Variants in ZGRF1 observed in about 807,000 individuals in gnomAD.
ZGRF1 encodes the protein 5'-3' DNA helicase ZGRF1.
ZGRF1 carries 196 observed loss-of-function variants against 203.5 expected under a neutral mutation model. The ratio of observed to expected loss-of-function variants is 0.96; its 90% CI spans 0.86 to 1.08. The LOEUF is 1.08. Ranked by LOEUF, ZGRF1 falls within the 50% of genes least tolerant of loss-of-function variation. The probability of loss-of-function intolerance (pLI) is 0.00; values close to 1 mark genes in which losing one functional copy is unlikely to be tolerated. For missense variants in ZGRF1, 2,326 were observed against 2,416.3 expected (o/e 0.96, Z 0.78); for synonymous variants, 809 against 841.3 (o/e 0.96, Z 0.66).
rs1166739248 is a variant in ZGRF1, at chr4:112,585,675, G to T, written c.3967C>A (p.Leu1323Ile). ...TAAAATGATATGTCAACTTTTGAAA[G>T]AGCTTTCTGCAGGTTTTGTGCTAAC... is the stretch of plus-strand genomic sequence containing the variant. ...FGLAQNLQKA[L>I]SKVDISFYTS... Residue 1323 changes from leucine (L) to isoleucine (I), a missense_variant, in exon 14 of 28, where the codon CTT becomes ATT. Leu to Ile is a conservative substitution (Grantham distance 5). Transcript: ENST00000505019. 2 of 1,603,144 alleles carry T rather than the reference G, an allele frequency of 1.2e-6. No individual in the cohort carries two copies. The highest frequency in any genetic ancestry group is 2.7e-5 in the African/African-American group (2 of 73,774).
intron 10 of ZGRF1, among the ~76,000 whole-genome samples, chr4:112,590,317 T>A (rs1747936000): frequency 6.6e-6 from 1 of 152,188 alleles, no homozygotes; most frequent in African/African-American, 2.4e-5. Flanking sequence ...CCAAATGAAG[T>A]GAACTTGTTA....
chr4:112,607,206 C>T (rs1284180965), intron 8 of ZGRF1, among the ~76,000 whole-genome samples: 2 of 152,114 alleles, frequency 1.3e-5, no homozygotes, highest in African/African-American at 4.8e-5. Flanking sequence ...TTCACTGAAG[C>T]CTTGACCTCT....
chr4:112,560,956 C>T lies in ZGRF1; in HGVS notation c.4737G>A (p.Lys1579=), dbSNP rs755119575. The change falls in exon 19 of 28, where the codon AAG becomes AAA. Residue 1579 remains lysine, a synonymous_variant. Transcript: ENST00000505019. ...PTIVSNKRVS[K]RKFIPPAFTN... ...TGAAGGCTGGTGGGATAAATTTTCT[C>T]TTACTGACTCTTTTGTTACTAACTA... is the stretch of plus-strand genomic sequence containing the variant. 6.2e-7 allele frequency: 1 copy of T among 1,610,822 alleles called. No individual in the cohort carries two copies. Among genetic ancestry groups the T allele is most frequent in the Non-Finnish European group, 8.5e-7 (1 of 1,177,710 alleles).
At chr4:112,562,773 A>G (rs1742250994) in intron 17 of ZGRF1, among the ~76,000 whole-genome samples, 1 of 152,258 alleles carries the variant, frequency 6.6e-6, no homozygotes, top group African/African-American at 2.4e-5. Context: ...AGTACCTAGT[A>G]GCACAACTTC....
chr4:112,619,729 C>T lies in ZGRF1; in HGVS notation c.352-39G>A, dbSNP rs371248292. On this transcript the variant is annotated intron_variant, in intron 5 of 27. Coordinates refer to ENST00000505019, the MANE Select transcript of ZGRF1 (RefSeq NM_018392.5). Reference sequence around the variant, plus strand: ...AATAACTGTTAGGTGTACCATTACCCATTAAGAAAATGTGAAATGAACTGG... The same window carrying T: ...AATAACTGTTAGGTGTACCATTACCTATTAAGAAAATGTGAAATGAACTGG... 615 of 1,432,220 alleles carry T rather than the reference C, an allele frequency of 4.3e-4. 2 individuals carry two copies. The African/African-American group carries it at 5.3e-3, about 12-fold the overall frequency. 88.7% of individuals were successfully genotyped at this position (1,432,220 alleles called of 1,614,324 possible).
chr4:112,597,393 G>A (rs1453383139), intron 10 of ZGRF1, among the ~76,000 whole-genome samples: 1 of 151,700 alleles, frequency 6.6e-6, no homozygotes, highest in Non-Finnish European at 1.5e-5. Context: ...GTGTGGTGGT[G>A]TGCATCTGTA....
intron 8 of ZGRF1, among the ~76,000 whole-genome samples, chr4:112,608,232 A>T (rs74711490): frequency 0.036 from 5,433 of 152,320 alleles, 322 homozygotes; most frequent in African/African-American, 0.12. Flanking sequence ...CTTTTAAAAA[A>T]TATATGATAT....
chr4:112,561,894 T>C (rs961911973), intron 18 of ZGRF1, among the ~76,000 whole-genome samples: 1 of 149,830 alleles, frequency 6.7e-6, no homozygotes. Context: ...TGAAAAATAA[T>C]GCATAATTCC....
chr4:112,562,021 T>C (rs1424018897), intron 18 of ZGRF1, among the ~76,000 whole-genome samples: 1 of 148,652 alleles, frequency 6.7e-6, no homozygotes, highest in African/African-American at 2.5e-5. Flanking sequence ...GCAATTCTCC[T>C]GCCTCAGCCT....
At chr4:112,544,266 C>T (rs1430423664) in intron 24 of ZGRF1, among the ~76,000 whole-genome samples, 1 of 151,952 alleles carries the variant, frequency 6.6e-6, no homozygotes, top group African/African-American at 2.4e-5. Flanking sequence ...ATCCATTCTC[C>T]AATATATAAA....
Position 112,620,080 on chromosome 4 carries a change from T to A in ZGRF1, c.273A>T (p.Pro91=). The stretch of plus-strand genomic sequence containing the variant: ...ATATAAATGTCCTTGAATTTAACTC[T>A]GGTGCTTCTTTATTGACATTCTGCT... ...IVKQNVNKEA[P]ELNSRTFISS... The change falls in exon 5 of 28, where the codon CCA becomes CCT. Residue 91 remains proline, a synonymous_variant. Coordinates refer to ENST00000505019, the MANE Select transcript of ZGRF1 (RefSeq NM_018392.5). The A allele has an allele frequency of 6.2e-7, 1 of 1,613,528 alleles. No homozygotes were observed. The highest frequency in any genetic ancestry group is 8.5e-7 in the Non-Finnish European group (1 of 1,179,640).
intron 24 of ZGRF1, 26 bp downstream of exon 24, chr4:112,547,259 T>C (rs1738988373): frequency 6.3e-7 from 1 of 1,595,130 alleles, no homozygotes; most frequent in South Asian, 1.1e-5. Flanking sequence ...TAAATGATAA[T>C]TCCGTAAGAA....
In ZGRF1 at chr4:112,548,971, G is replaced by A. The variant is rs1481480263; in HGVS notation, c.5347-591C>T. Among the ~76,000 whole-genome samples the A allele has an allele frequency of 1.0e-4, 8 of 77,548 alleles. 4 individuals are homozygous for A. The highest frequency in any genetic ancestry group is 1.5e-4 in the Non-Finnish European group (6 of 40,452). The allele number at this position is 77,548 out of a possible 152,430, so 50.9% of individuals were successfully genotyped here. A position where few individuals can be genotyped will look rare whatever the true frequency, so the allele number is the denominator to read the frequency against. ...CTACTAAAAATACAAAAAATTAGCC[G>A]GGCGTAGTGGCGGGCGCCTGTAGTC... is the stretch of plus-strand genomic sequence containing the variant. On this transcript the variant is annotated intron_variant, in intron 22 of 27. Transcript: ENST00000505019.
intron 5 of ZGRF1, 22 bp from the exon 6 acceptor site, chr4:112,619,712 T>A: frequency 6.5e-7 from 1 of 1,531,998 alleles, no homozygotes; most frequent in Non-Finnish European, 8.9e-7. Context: ...AAAATAACTG[T>A]TAGGTGTACC....
intron 4 of ZGRF1, among the ~76,000 whole-genome samples, chr4:112,621,403 A>G (rs1025709647): frequency 6.6e-6 from 1 of 152,088 alleles, no homozygotes; most frequent in Non-Finnish European, 1.5e-5. Flanking sequence ...TAATCCTAGC[A>G]CTTTGGGAGG....
At chr4:112,598,341 A>T (rs1749382629) in intron 10 of ZGRF1, among the ~76,000 whole-genome samples, 1 of 152,208 alleles carries the variant, frequency 6.6e-6, no homozygotes, top group Non-Finnish European at 1.5e-5. Flanking sequence ...AGCAAATTTT[A>T]AAAAGAGACA....
chr4:112,562,210 C>CT, intron 18 of ZGRF1, 161 bp downstream of exon 18: 1 of 538,174 alleles, frequency 1.9e-6, no homozygotes. Flanking sequence ...CACCCAGCCC[C>CT]TTTTCTCTTT....
At chr4:112,543,859 A>T (rs897167783) in intron 24 of ZGRF1, among the ~76,000 whole-genome samples, 3 of 152,172 alleles carry the variant, frequency 2.0e-5, no homozygotes, top group Admixed American at 6.5e-5. Flanking sequence ...TATTTAAAAA[A>T]TTTTTTTGGT....
Position 112,600,266 on chromosome 4 carries a change from T to G in ZGRF1, c.2976+3258A>C, listed in dbSNP as rs1194403810. Among the ~76,000 whole-genome samples the G allele has an allele frequency of 2.0e-5, 3 of 152,166 alleles. No individual in the cohort carries two copies. In the East Asian group the frequency reaches 5.8e-4, roughly 29 times the overall value. ...CCAGGCTGGTCTTGAATTCCTTGCCTTAAGTGATCCTCCTGCTTCAGGCTC... is the reference window on the plus strand; with the variant it reads ...CCAGGCTGGTCTTGAATTCCTTGCCGTAAGTGATCCTCCTGCTTCAGGCTC... On this transcript the variant is annotated intron_variant, in intron 10 of 27. Coordinates refer to ENST00000505019, the MANE Select transcript of ZGRF1 (RefSeq NM_018392.5).
Sources: allele counts gnomAD v4.1 joint callset (sites outside exome capture counted in the v4.1 genomes callset), GRCh38; gene constraint gnomAD v4.1.1; transcripts MANE v1.5; gene names NCBI Gene and HGNC (gene_info 2026-07-23, HGNC 2026-07-21).